TGFB1I1: variants seen among roughly 807,000 people sequenced by gnomAD.
TGFB1I1 encodes transforming growth factor beta-1-induced transcript 1 protein.
In TGFB1I1, 33 loss-of-function variants were observed where a neutral mutation model predicts 52.0. The ratio of observed to expected loss-of-function variants is 0.63; its 90% CI spans 0.48 to 0.85. TGFB1I1 has a LOEUF of 0.85. TGFB1I1 is among the 40% of genes least tolerant of loss of function. TGFB1I1 has a pLI of 0.00. For synonymous variants in TGFB1I1, 236 were observed against 253.3 expected (o/e 0.93, Z 0.65); for missense variants, 577 against 614.9 (o/e 0.94, Z 0.65).
rs769009445 is a variant in TGFB1I1, at chr16:31,473,533, C to T, written c.106C>T (p.Pro36Ser). The part of the protein sequence containing the change: ...ERPAEPLTPP[P>S]SYGHQPQTGS... ...CCCTGCGGAGCCTCTCACCCCTCCC[C>T]CATCCTATGGCCACCAGCCACAGGT... is the stretch of plus-strand genomic sequence containing the variant. Residue 36 changes from proline (P) to serine (S), a missense_variant, in exon 2 of 11, where the codon CCA (proline) becomes TCA (serine). By Grantham distance (74) the Pro-to-Ser change is moderately conservative. Coordinates refer to ENST00000394863, the MANE Select transcript of TGFB1I1 (RefSeq NM_001042454.3). 2 of 1,613,772 alleles carry T rather than the reference C, an allele frequency of 1.2e-6. No individual in the cohort carries two copies. Among genetic ancestry groups the T allele is most frequent in the African/African-American group, 1.3e-5 (1 of 74,944 alleles).
chr16:31,476,506 A>G lies in TGFB1I1; in HGVS notation c.914A>G (p.His305Arg), dbSNP rs1442795619. 1 of 1,613,192 alleles carries G rather than the reference A, an allele frequency of 6.2e-7. No homozygotes were observed. The highest frequency in any genetic ancestry group is 8.5e-7 in the Non-Finnish European group (1 of 1,179,828). ...AAGATGGTGACCGCCTTGGGCACTC[A>G]CTGGCACCCAGAGCATTTCTGCTGC... ...RHKMVTALGT[H>R]WHPEHFCCVS... Residue 305 changes from histidine (H) to arginine (R), a missense_variant, in exon 9 of 11, where the codon CAC becomes CGC. By Grantham distance (29) the His-to-Arg change is conservative (BLOSUM62 0). Transcript: ENST00000394863. This position sits in a 1 kb window ranked among gnomAD's most constrained non-coding sequence, Gnocchi z 7.6.
intron 2 of TGFB1I1, 47 bp downstream of exon 2, chr16:31,473,603 G>C (rs1337839824): frequency 6.2e-7 from 1 of 1,610,932 alleles, no homozygotes. Flanking sequence ...GGCCAGGCTC[G>C]GCCTGGTCTA....
chr16:31,476,479 A>G lies in TGFB1I1; in HGVS notation c.889-2A>G, dbSNP rs2082424442. On this transcript the variant is annotated splice_acceptor_variant, in intron 8 of 10. Transcript: ENST00000394863. LOFTEE classifies it high-confidence loss of function. The surrounding 1 kb of genome is among the most constrained non-coding windows in gnomAD (Gnocchi z 7.6). ...CGCTGAGTGCCCTCTCCCTCCCTGCAGAAGATGGTGACCGCCTTGGGCACT... is the reference window on the plus strand; with the variant it reads ...CGCTGAGTGCCCTCTCCCTCCCTGCGGAAGATGGTGACCGCCTTGGGCACT... 2 of 1,611,808 alleles carry G rather than the reference A, an allele frequency of 1.2e-6. No individual in the cohort carries two copies. The highest frequency in any genetic ancestry group is 1.7e-6 in the Non-Finnish European group (2 of 1,179,474).
At position 31,476,123 on chromosome 16, in the gene TGFB1I1, C is replaced by G; in HGVS notation, c.826C>G (p.Pro276Ala). The G allele has an allele frequency of 1.2e-6, 2 of 1,613,868 alleles. No individual in the cohort carries two copies. Among genetic ancestry groups the G allele is most frequent in the South Asian group, 2.2e-5 (2 of 91,088 alleles). ...FFEKDGAPFC[P>A]ECYFERFSPR... ...CGAGAAGGATGGAGCCCCCTTCTGC[C>G]CCGAGTGCTACTTTGAGCGCTTCTC... is the stretch of plus-strand genomic sequence containing the variant. The change falls in exon 8 of 11, where the codon CCC (proline) becomes GCC (alanine). Residue 276 changes from proline (P) to alanine (A), a missense_variant. Physicochemically the swap from Pro to Ala is conservative, Grantham distance 27. Coordinates refer to ENST00000394863, the MANE Select transcript of TGFB1I1 (RefSeq NM_001042454.3). This position sits in a 1 kb window ranked among gnomAD's most constrained non-coding sequence, Gnocchi z 7.6.
Position 31,476,783 on chromosome 16 carries a change from G to GGACT in TGFB1I1, c.971-78_971-77insACTG. On this transcript the variant is annotated intron_variant, in intron 9 of 10. Transcript: ENST00000394863. This position sits in a 1 kb window ranked among gnomAD's most constrained non-coding sequence, Gnocchi z 7.6. ...GGCTCCCTCGGACTGCCCCTCCTTC[G>GGACT]GCCCCAGATCTCAGGTCTTGTGGGT... 6 of 1,586,686 alleles carry GGACT rather than the reference G, an allele frequency of 3.8e-6. No individual in the cohort carries two copies. Among genetic ancestry groups the GGACT allele is most frequent in the Non-Finnish European group, 5.1e-6 (6 of 1,168,732 alleles).
Position 31,474,798 on chromosome 16 carries a change from C to G in TGFB1I1, c.714+41C>G. 1 of 1,564,508 alleles carries G rather than the reference C, an allele frequency of 6.4e-7. No homozygotes were observed. Among genetic ancestry groups the G allele is most frequent in the East Asian group, 2.3e-5 (1 of 43,692 alleles). ...TGAGAAGGGAGGCAGAGACCTGTCA[C>G]AGACCCATCTTTAGTGAGAGCTGGG... On this transcript the variant is annotated intron_variant, in intron 7 of 10. Transcript: ENST00000394863. The surrounding 1 kb of genome is among the most constrained non-coding windows in gnomAD (Gnocchi z 4.2).
Position 31,476,568 on chromosome 16 carries a change from A to G in TGFB1I1, c.970+6A>G, listed in dbSNP as rs2082425370. 3 of 1,611,290 alleles carry G rather than the reference A, an allele frequency of 1.9e-6. No homozygotes were observed. The highest frequency in any genetic ancestry group is 1.7e-6 in the Non-Finnish European group (2 of 1,179,238). On this transcript the variant is annotated splice_donor_region_variant and intron_variant, in intron 9 of 10. Coordinates refer to ENST00000394863, the MANE Select transcript of TGFB1I1 (RefSeq NM_001042454.3). This position sits in a 1 kb window ranked among gnomAD's most constrained non-coding sequence, Gnocchi z 7.6. ...GGAGCCCTTCGGAGATGAGGGTGAG[A>G]GTGAACTCGACTCCCATCTTAAAAG...
intron 1 of TGFB1I1, chr16:31,472,461 G>A: frequency 1.7e-6 from 1 of 590,894 alleles, no homozygotes; most frequent in Non-Finnish European, 2.4e-6. Context: ...TGCGGCGCCC[G>A]CGGGCGCCCG....
Position 31,472,174 on chromosome 16 carries a change from G to C in TGFB1I1, c.-15G>C, listed in dbSNP as rs1181873979. ...CCCGCCCTGTTCGCCCCGCGCCACC[G>C]GCCCGCGCCCCGCCATGGAGGACCT... is the stretch of plus-strand genomic sequence containing the variant. On this transcript the variant is annotated 5_prime_UTR_variant, in exon 1 of 11. Transcript: ENST00000394863. 4 of 1,148,112 alleles carry C rather than the reference G, an allele frequency of 3.5e-6. No homozygotes were observed. The highest frequency in any genetic ancestry group is 2.3e-5 in the African/African-American group (1 of 43,184). 71.1% of individuals were successfully genotyped at this position (1,148,112 alleles called of 1,614,324 possible). A position where few individuals can be genotyped will look rare whatever the true frequency, so the allele number is the denominator to read the frequency against.
Position 31,473,500 on chromosome 16 carries a change from A to C in TGFB1I1, c.73A>C (p.Lys25Gln). Residue 25 changes from lysine (K) to glutamine (Q), a missense_variant, in exon 2 of 11, where the codon AAA becomes CAA. Lys to Gln is a moderately conservative substitution (Grantham distance 53). Around this residue, in one of 3 missense-constraint regions of TGFB1I1, gnomAD observed 113 missense variants for 123.9 expected, o/e 0.91. Coordinates refer to ENST00000394863, the MANE Select transcript of TGFB1I1 (RefSeq NM_001042454.3). The part of the protein sequence containing the change: ...TSHMPRSGAP[K>Q]ERPAEPLTPP... ...GCACATGCCAAGGTCAGGGGCTCCC[A>C]AAGAGCGCCCTGCGGAGCCTCTCAC... is the stretch of plus-strand genomic sequence containing the variant. 1 of 1,613,856 alleles carries C rather than the reference A, an allele frequency of 6.2e-7. No individual in the cohort carries two copies. The highest frequency in any genetic ancestry group is 8.5e-7 in the Non-Finnish European group (1 of 1,180,002).
At position 31,476,947 on chromosome 16, in the gene TGFB1I1, C is replaced by T. The variant is rs1288062612; in HGVS notation, c.1056C>T (p.Pro352=). Residue 352 remains proline, a synonymous_variant, in exon 10 of 11, where the codon CCC becomes CCT. Transcript: ENST00000394863. This position sits in a 1 kb window ranked among gnomAD's most constrained non-coding sequence, Gnocchi z 7.6. ...FAPRCQGCQG[P]ILDNYISALS... ...CGCGCTGCCAGGGCTGCCAGGGCCC[C>T]ATCCTGGATAACTACATCTCGGCGC... The T allele has an allele frequency of 1.6e-5, 26 of 1,604,446 alleles. No homozygotes were observed. Among genetic ancestry groups the T allele is most frequent in the Non-Finnish European group, 2.0e-5 (24 of 1,178,608 alleles).
rs2082431720 is a variant in TGFB1I1, at chr16:31,477,244, G to A, written c.1120-66G>A. On this transcript the variant is annotated intron_variant, in intron 10 of 10. Transcript: ENST00000394863. The surrounding 1 kb of genome is among the most constrained non-coding windows in gnomAD (Gnocchi z 4.7). ...CGGGGTCCCAGGGCGTTATCCGCTA[G>A]TAACGCGCGTTGTCTGGCAGTGGCC... is the stretch of plus-strand genomic sequence containing the variant. 1.3e-6 allele frequency: 2 copies of A among 1,546,892 alleles called. No individual in the cohort carries two copies. Among genetic ancestry groups the A allele is most frequent in the Middle Eastern group, 1.7e-4 (1 of 5,716 alleles).
intron 7 of TGFB1I1, chr16:31,475,054 C>A: frequency 2.5e-6 from 1 of 396,894 alleles, no homozygotes; most frequent in Admixed American, 4.3e-5. Flanking sequence ...TGGCTCCACC[C>A]AATATCTCTC....
In TGFB1I1 at chr16:31,476,185, C is replaced by G. The variant is rs2142597541; in HGVS notation, c.888C>G (p.His296Gln). ...RCGFCNQPIR[H>Q]KMVTALGTHW... is the part of the protein sequence containing the mutation. ...GCTTCTGCAACCAGCCCATCCGACA[C>G]GTGAGCCCCGCCCGGCCGCACCGAG... The change falls in exon 8 of 11, where the codon CAC (histidine) becomes CAG (glutamine). Residue 296 changes from histidine to glutamine, a missense_variant and splice_region_variant. By Grantham distance (24) the His-to-Gln change is conservative (BLOSUM62 0). Coordinates refer to ENST00000394863, the MANE Select transcript of TGFB1I1 (RefSeq NM_001042454.3). This position sits in a 1 kb window ranked among gnomAD's most constrained non-coding sequence, Gnocchi z 7.6. 1.2e-6 allele frequency: 2 copies of G among 1,611,030 alleles called. No homozygotes were observed. The highest frequency in any genetic ancestry group is 8.5e-7 in the Non-Finnish European group (1 of 1,179,306).
Position 31,476,819 on chromosome 16 carries a change from G to A in TGFB1I1, c.971-43G>A. ...TCAGGTCTTGTGGGTCCCCCGTCCC[G>A]CCCGCACCCTTTGCTTTCAGCCCAC... On this transcript the variant is annotated intron_variant, in intron 9 of 10. Coordinates refer to ENST00000394863, the MANE Select transcript of TGFB1I1 (RefSeq NM_001042454.3). This position sits in a 1 kb window ranked among gnomAD's most constrained non-coding sequence, Gnocchi z 7.6. The A allele has an allele frequency of 1.2e-6, 2 of 1,609,254 alleles. No homozygotes were observed. The highest frequency in any genetic ancestry group is 8.5e-7 in the Non-Finnish European group (1 of 1,179,136).
chr16:31,477,176 C>T lies in TGFB1I1; in HGVS notation c.1120-134C>T. ...CCTCGGGTGGGGCGAGTTTTCCGGG[C>T]AGGGTCCCACCGGACGGGATTCTTC... is the stretch of plus-strand genomic sequence containing the variant. On this transcript the variant is annotated intron_variant, in intron 10 of 10. Transcript: ENST00000394863. This position sits in a 1 kb window ranked among gnomAD's most constrained non-coding sequence, Gnocchi z 4.7. The T allele has an allele frequency of 1.4e-6, 2 of 1,437,802 alleles. No individual in the cohort carries two copies. The highest frequency in any genetic ancestry group is 9.3e-7 in the Non-Finnish European group (1 of 1,080,060). 89.1% of individuals were successfully genotyped at this position (1,437,802 alleles called of 1,614,324 possible). A position where few individuals can be genotyped will look rare whatever the true frequency, so the allele number is the denominator to read the frequency against.
rs1321503439 is a variant in TGFB1I1, at chr16:31,476,315, T to C, written c.888+130T>C. On this transcript the variant is annotated intron_variant, in intron 8 of 10. Transcript: ENST00000394863. The surrounding 1 kb of genome is among the most constrained non-coding windows in gnomAD (Gnocchi z 7.6). Reference sequence around the variant, plus strand: ...CCCCTACCCCTTCCCCTTGGCAATGTCCACGGCCCCTTGGACTCCACTCTT... The same window carrying C: ...CCCCTACCCCTTCCCCTTGGCAATGCCCACGGCCCCTTGGACTCCACTCTT... 3 of 1,339,018 alleles carry C rather than the reference T, an allele frequency of 2.2e-6. No homozygotes were observed. Among genetic ancestry groups the C allele is most frequent in the Non-Finnish European group, 3.0e-6 (3 of 984,562 alleles). 82.9% of individuals were successfully genotyped at this position (1,339,018 alleles called of 1,614,324 possible). A position where few individuals can be genotyped will look rare whatever the true frequency, so the allele number is the denominator to read the frequency against.
At position 31,474,035 on chromosome 16, in the gene TGFB1I1, G is replaced by A. The variant is rs2082407268; in HGVS notation, c.325+58G>A. On this transcript the variant is annotated intron_variant, in intron 4 of 10. Coordinates refer to ENST00000394863, the MANE Select transcript of TGFB1I1 (RefSeq NM_001042454.3). The surrounding 1 kb of genome is among the most constrained non-coding windows in gnomAD (Gnocchi z 4.2). ...ATAGGGGCAGGGGAGGGAAGGGTGGGGCAGAGACTAAGAGGAATACACTTC... is the reference window on the plus strand; with the variant it reads ...ATAGGGGCAGGGGAGGGAAGGGTGGAGCAGAGACTAAGAGGAATACACTTC... The A allele has an allele frequency of 6.2e-7, 1 of 1,608,256 alleles. No individual in the cohort carries two copies. The highest frequency in any genetic ancestry group is 8.5e-7 in the Non-Finnish European group (1 of 1,175,400).
Position 31,477,707 on chromosome 16 carries a change from T to A in TGFB1I1, c.*131T>A. On this transcript the variant is annotated 3_prime_UTR_variant, in exon 11 of 11. Transcript: ENST00000394863. The surrounding 1 kb of genome is among the most constrained non-coding windows in gnomAD (Gnocchi z 4.7). ...GGAGAGCCCCGCCCCTAAGGTACTA[T>A]GAGTCCTCAGGGGTCAAGTTCAGAA... 1 of 1,267,514 alleles carries A rather than the reference T, an allele frequency of 7.9e-7. No homozygotes were observed. Among genetic ancestry groups the A allele is most frequent in the Non-Finnish European group, 1.1e-6 (1 of 946,654 alleles). 78.5% of individuals were successfully genotyped at this position (1,267,514 alleles called of 1,614,324 possible).
Sources: allele counts gnomAD v4.1 joint callset, GRCh38; gene constraint gnomAD v4.1.1; regional missense constraint gnomAD v4.1.1; non-coding constraint Gnocchi (gnomAD v3.1); transcripts MANE v1.5; gene names NCBI Gene and HGNC (gene_info 2026-07-23, HGNC 2026-07-21).